The following PTPRD variants were observed in gnomAD, a reference collection of about 807,000 sequenced individuals.
The protein encoded by PTPRD is protein tyrosine phosphatase receptor type D.
PTPRD carries 34 observed loss-of-function variants against 214.5 expected under a neutral mutation model. That is an observed-to-expected ratio of 0.16 (90% CI 0.12 to 0.21). PTPRD has a LOEUF of 0.21. Among genes scored for constraint, PTPRD ranks in the 10% least tolerant of loss-of-function variants. The pLI is 1.00. For missense variants in PTPRD, 2,545 were observed against 2,398.7 expected (o/e 1.06, Z -1.27); for synonymous variants, 1,128 against 845.7 (o/e 1.33, Z -5.79).
At chr9:9,255,690 AG>A (rs1447793202) in intron 9 of PTPRD, among the ~76,000 whole-genome samples, 1 of 152,080 alleles carries the variant, frequency 6.6e-6, no homozygotes, top group Non-Finnish European at 1.5e-5. Flanking sequence ...ACTGCAAAAA[AG>A]TTTTACAACC....
chr9:9,244,967 G>C (rs941921731), intron 9 of PTPRD, among the ~76,000 whole-genome samples: 1 of 152,164 alleles, frequency 6.6e-6, no homozygotes, highest in South Asian at 2.1e-4. Flanking sequence ...CCATCAAAAA[G>C]TGAGTGAAGG....
chr9:9,496,180 A>C (rs994691387), intron 8 of PTPRD, among the ~76,000 whole-genome samples: 8 of 152,116 alleles, frequency 5.3e-5, no homozygotes, highest in Non-Finnish European at 1.0e-4. Flanking sequence ...GACACCAAAA[A>C]CTTAGGCAAC....
intron 27 of PTPRD, among the ~76,000 whole-genome samples, chr9:8,490,529 C>T (rs1374337894): frequency 1.3e-5 from 2 of 152,140 alleles, no homozygotes; most frequent in African/African-American, 4.8e-5. Context: ...CATAGCTGTT[C>T]AATATAGTAC....
intron 8 of PTPRD, among the ~76,000 whole-genome samples, chr9:9,448,403 G>T (rs1185331157): frequency 6.6e-6 from 1 of 151,952 alleles, no homozygotes; most frequent in Admixed American, 6.6e-5. Context: ...GTTCTCATGA[G>T]ATCTGATGGT....
intron 3 of PTPRD, among the ~76,000 whole-genome samples, chr9:10,242,924 A>AGAGG (rs1340507071): frequency 2.6e-4 from 37 of 141,476 alleles, no homozygotes; most frequent in East Asian, 1.0e-3. Flanking sequence ...GGAAGGGAAG[A>AGAGG]GAGGGAGGGA....
chr9:10,499,566 G>A lies in PTPRD; in HGVS notation c.-600+112832C>T, dbSNP rs528089949. Among the ~76,000 whole-genome samples the A allele has an allele frequency of 3.9e-5, 6 of 152,030 alleles. No individual in the cohort carries two copies. The South Asian group carries it at 1.2e-3, about 31-fold the overall frequency. On this transcript the variant is annotated intron_variant, in intron 2 of 45. Coordinates refer to ENST00000381196, the MANE Select transcript of PTPRD (RefSeq NM_002839.4). The stretch of plus-strand genomic sequence containing the variant: ...GTTTGAAAAGCATTTTTAAATGTGT[G>A]TGATTAATCAAATCCTATATGGCTG...
intron 39 of PTPRD, among the ~76,000 whole-genome samples, chr9:8,365,319 G>C (rs1354355248): frequency 6.6e-6 from 1 of 152,048 alleles, no homozygotes; most frequent in Non-Finnish European, 1.5e-5. Flanking sequence ...AAATATTTTT[G>C]AGTTAGGATG....
intron 11 of PTPRD, among the ~76,000 whole-genome samples, chr9:8,996,754 G>C (rs897876134): frequency 6.6e-6 from 1 of 151,916 alleles, no homozygotes; most frequent in Non-Finnish European, 1.5e-5. Flanking sequence ...AGCCAAACAG[G>C]CTGAGCCTCA....
intron 2 of PTPRD, among the ~76,000 whole-genome samples, chr9:10,368,842 G>T (rs896066208): frequency 6.6e-6 from 1 of 152,020 alleles, no homozygotes; most frequent in East Asian, 1.9e-4. Flanking sequence ...ATTCATAGAA[G>T]GACCTTTCAT....
At chr9:9,582,368 C>T (rs1253695049) in intron 7 of PTPRD, among the ~76,000 whole-genome samples, 2 of 151,978 alleles carry the variant, frequency 1.3e-5, no homozygotes, top group South Asian at 2.1e-4. Flanking sequence ...ATGCCTGGAG[C>T]TCCAGCAGTC....
intron 34 of PTPRD, among the ~76,000 whole-genome samples, chr9:8,441,311 C>G (rs2095539882): frequency 6.6e-6 from 1 of 152,088 alleles, no homozygotes; most frequent in African/African-American, 2.4e-5. Context: ...CTAGTGTACA[C>G]ATTGGGGGGC....
At chr9:9,446,236 T>C (rs1339706475) in intron 8 of PTPRD, among the ~76,000 whole-genome samples, 2 of 152,146 alleles carry the variant, frequency 1.3e-5, no homozygotes, top group African/African-American at 2.4e-5. Flanking sequence ...ACAATCATAT[T>C]AAGGTTAACA....
At chr9:8,643,386 A>AAAGG (rs924505607) in intron 12 of PTPRD, among the ~76,000 whole-genome samples, 1 of 149,760 alleles carries the variant, frequency 6.7e-6, no homozygotes, top group African/African-American at 2.4e-5. Flanking sequence ...AGGAAGAAAG[A>AAAGG]AAGGAAGGAA....
intron 35 of PTPRD, 110 bp from the exon 36 acceptor site, chr9:8,404,770 T>C: frequency 1.5e-6 from 2 of 1,326,960 alleles, no homozygotes; most frequent in Non-Finnish European, 2.0e-6. Context: ...TCTGAAGCCA[T>C]ACTTCATCAA....
chr9:10,071,612 T>G (rs895828449), intron 3 of PTPRD, among the ~76,000 whole-genome samples: 1 of 151,928 alleles, frequency 6.6e-6, no homozygotes, highest in Non-Finnish European at 1.5e-5. Context: ...CTTTTATAAC[T>G]CAAAACTCAA....
chr9:9,917,740 C>A (rs2081351801), intron 5 of PTPRD, among the ~76,000 whole-genome samples: 1 of 151,948 alleles, frequency 6.6e-6, no homozygotes, highest in Non-Finnish European at 1.5e-5. Flanking sequence ...AAAGATAACA[C>A]ACCATGATTA....
At chr9:8,587,384 C>T (rs1309138914) in intron 14 of PTPRD, among the ~76,000 whole-genome samples, 2 of 152,118 alleles carry the variant, frequency 1.3e-5, no homozygotes, top group African/African-American at 2.4e-5. Context: ...GCAGCTTTTA[C>T]AGTAATGCAA....
At chr9:10,586,428 A>G (rs1349894938) in intron 2 of PTPRD, among the ~76,000 whole-genome samples, 1 of 152,114 alleles carries the variant, frequency 6.6e-6, no homozygotes, top group Admixed American at 6.6e-5. Flanking sequence ...AAGAGCAATC[A>G]TGAGAACGAA....
At chr9:8,398,149 A>G (rs557111054) in intron 36 of PTPRD, among the ~76,000 whole-genome samples, 6 of 152,210 alleles carry the variant, frequency 3.9e-5, no homozygotes, top group East Asian at 1.9e-4. Flanking sequence ...AATAAAATGC[A>G]TAACACTAAA....
Sources: allele counts gnomAD v4.1 joint callset (sites outside exome capture counted in the v4.1 genomes callset), GRCh38; gene constraint gnomAD v4.1.1; transcripts MANE v1.5; gene names NCBI Gene and HGNC (gene_info 2026-07-23, HGNC 2026-07-21).